The following TENM2 variants were observed in gnomAD, a reference collection of about 807,000 sequenced individuals.
TENM2 encodes the protein teneurin transmembrane protein 2.
In TENM2, 52 loss-of-function variants were observed where a neutral mutation model predicts 245.2. That is an observed-to-expected ratio of 0.21 (90% CI 0.17 to 0.27). TENM2 has a LOEUF of 0.27. TENM2 is among the 10% of genes least tolerant of loss of function. The pLI, the probability that TENM2 is intolerant of heterozygous loss-of-function variation, is 1.00. For synonymous variants in TENM2, 1,363 were observed against 1,438.9 expected, an observed-to-expected ratio of 0.95 and a Z score of 1.19; for missense variants, 3,046 against 3,666.8, an observed-to-expected ratio of 0.83 and a Z score of 4.37.
At chr5:167,777,114 C>T (rs1157078768) in intron 2 of TENM2, among the ~76,000 whole-genome samples, 1 of 152,180 alleles carries the variant, frequency 6.6e-6, no homozygotes, top group Non-Finnish European at 1.5e-5. Context: ...GACTGGCCTA[C>T]AAGCTGCATG....
At chr5:168,124,760 T>G (rs1370578758) in intron 10 of TENM2, 90 bp from the exon 13 acceptor site, 16 of 1,254,740 alleles carry the variant, frequency 1.3e-5, no homozygotes, top group Non-Finnish European at 1.7e-5. Context: ...GACCCACTGG[T>G]CCATTCAGCA....
chr5:167,776,986 A>C (rs940684145), intron 2 of TENM2, among the ~76,000 whole-genome samples: 1 of 152,228 alleles, frequency 6.6e-6, no homozygotes, highest in African/African-American at 2.4e-5. Flanking sequence ...TTTTTACACT[A>C]TTTTATGAGT....
At chr5:168,009,459 T>C (rs552582738) in intron 5 of TENM2, among the ~76,000 whole-genome samples, 16 of 152,320 alleles carry the variant, frequency 1.1e-4, no homozygotes, top group African/African-American at 3.8e-4. Flanking sequence ...GGTTTATGGA[T>C]TGGGCAGAGA....
chr5:167,400,571 TTAAGA>T (rs150915209), intron 2 of TENM2, among the ~76,000 whole-genome samples: 4,214 of 151,942 alleles, frequency 0.028, 202 homozygotes, highest in African/African-American at 0.096. Flanking sequence ...AATCTGGAAA[TTAAGA>T]TAAGAAAACC....
intron 5 of TENM2, among the ~76,000 whole-genome samples, chr5:168,046,199 G>A (rs1290728538): frequency 1.3e-5 from 2 of 152,180 alleles, no homozygotes; most frequent in Non-Finnish European, 2.9e-5. Flanking sequence ...TGGTAGGCAT[G>A]CAGAATTAAT....
the TENM2 span, among the ~76,000 whole-genome samples, chr5:167,070,878 ATAAC>A: frequency 6.6e-6 from 1 of 152,208 alleles, no homozygotes; most frequent in Admixed American, 6.5e-5. Flanking sequence ...ATTATGTAGA[ATAAC>A]TAAGCACCTA....
intron 4 of TENM2, among the ~76,000 whole-genome samples, chr5:167,957,368 C>G (rs1780642697): frequency 6.6e-6 from 1 of 151,990 alleles, no homozygotes; most frequent in Non-Finnish European, 1.5e-5. Flanking sequence ...TCTCTCTTTT[C>G]TTCTTTATTA....
intron 1 of TENM2, chr5:167,307,950 G>A (rs1389885089): frequency 1.3e-5 from 2 of 152,228 alleles, no homozygotes; most frequent in African/African-American, 2.4e-5. Context: ...GTTAAGTGAT[G>A]GGGTGGGCCA....
Position 167,912,226 on chromosome 5 carries a change from C to T in TENM2, c.712+36031C>T, listed in dbSNP as rs60925266. Among the ~76,000 whole-genome samples the T allele has an allele frequency of 2.4e-3, 363 of 152,208 alleles. 3 individuals carry two copies. Among genetic ancestry groups the T allele is most frequent in the African/African-American group, 8.0e-3 (333 of 41,510 alleles). On this transcript the variant is annotated intron_variant, in intron 3 of 28. Transcript: ENST00000518659. ...GTGAGGTCAACCTTTTCAGATACCA[C>T]GTGTAATTGAGAGGGGTGGTATTCG...
At chr5:167,514,616 G>A (rs1338790739) in intron 2 of TENM2, among the ~76,000 whole-genome samples, 1 of 152,192 alleles carries the variant, frequency 6.6e-6, no homozygotes, top group Non-Finnish European at 1.5e-5. Context: ...GATCCCACTG[G>A]AAGCTTCCCA....
intron 2 of TENM2, among the ~76,000 whole-genome samples, chr5:167,693,819 G>A (rs1582769743): frequency 6.6e-6 from 1 of 152,102 alleles, no homozygotes; most frequent in African/African-American, 2.4e-5. Context: ...GCCTTGCCTA[G>A]CATGTTCAAG....
the TENM2 span, among the ~76,000 whole-genome samples, chr5:167,227,265 T>A: frequency 6.6e-6 from 1 of 152,172 alleles, no homozygotes; most frequent in African/African-American, 2.4e-5. Flanking sequence ...TTTATTTTTC[T>A]CTTAGTTTGT....
intron 1 of TENM2, among the ~76,000 whole-genome samples, chr5:167,341,624 G>A (rs33916372): frequency 0.26 from 39,094 of 151,826 alleles, 5,755 homozygotes; most frequent in Non-Finnish European, 0.34. Context: ...AAAAAAATCT[G>A]TCTTAAATGT....
At chr5:167,682,402 A>C (rs1756790802) in intron 2 of TENM2, among the ~76,000 whole-genome samples, 1 of 151,640 alleles carries the variant, frequency 6.6e-6, no homozygotes, top group Admixed American at 6.6e-5. Context: ...ACCTTAGGCA[A>C]CCTGCCCGCC....
At chr5:167,492,948 G>C (rs7448661) in intron 2 of TENM2, among the ~76,000 whole-genome samples, 143,486 of 152,198 alleles carry the variant, frequency 0.94, 67,917 homozygotes, top group Non-Finnish European at 0.99. Context: ...CCAAGCAGAA[G>C]CTTGGCAAAA....
chr5:167,093,360 T>A, the TENM2 span, among the ~76,000 whole-genome samples: 2 of 152,294 alleles, frequency 1.3e-5, no homozygotes, highest in South Asian at 2.1e-4. Context: ...TGCCAGGTTG[T>A]CTTTGTATGA....
chr5:167,795,672 GA>G (rs1196668436), intron 2 of TENM2, among the ~76,000 whole-genome samples: 1 of 151,796 alleles, frequency 6.6e-6, no homozygotes, highest in African/African-American at 2.4e-5. Context: ...AAAAGTAAAA[GA>G]AAGAAAGAAT....
At chr5:166,996,507 G>A in the TENM2 span, among the ~76,000 whole-genome samples, 1 of 152,238 alleles carries the variant, frequency 6.6e-6, no homozygotes, top group African/African-American at 2.4e-5. Context: ...GTGTTAATTA[G>A]TGTGGCTCTC....
At chr5:167,518,134 C>T (rs939844755) in intron 2 of TENM2, among the ~76,000 whole-genome samples, 1 of 151,330 alleles carries the variant, frequency 6.6e-6, no homozygotes, top group African/African-American at 2.4e-5. Flanking sequence ...GCACTCCAGC[C>T]TGGGTGATAG....
Sources: gnomAD v4.1 joint callset for allele counts (sites outside exome capture counted in the v4.1 genomes callset) on GRCh38, gnomAD v4.1.1 for gene constraint, MANE v1.5 for transcripts, NCBI Gene and HGNC (gene_info 2026-07-23, HGNC 2026-07-21) for gene names.